Variants in ZFPM2 observed in about 807,000 individuals in gnomAD.
ZFPM2 encodes the protein zinc finger protein ZFPM2.
A neutral mutation model predicts 98.6 loss-of-function variants in ZFPM2; 20 were observed. The ratio of observed to expected loss-of-function variants is 0.20; its 90% CI spans 0.14 to 0.29. The LOEUF is 0.29. Among genes scored for constraint, ZFPM2 ranks in the 10% least tolerant of loss-of-function variants. The pLI, the probability that ZFPM2 is intolerant of heterozygous loss-of-function variation, is 1.00. For missense variants in ZFPM2, 1,310 were observed against 1,388.6 expected (o/e 0.94, Z 0.90); for synonymous variants, 518 against 502.7 (o/e 1.03, Z -0.41).
At position 105,618,080 on chromosome 8, in the gene ZFPM2, A is replaced by G. The variant is rs148590189; in HGVS notation, c.421-16166A>G. Among the ~76,000 whole-genome samples the G allele has an allele frequency of 3.8e-3, 573 of 152,280 alleles. 2 individuals are homozygous for G. The highest frequency in any genetic ancestry group is 6.4e-3 in the Non-Finnish European group (432 of 68,008). ...CACAGCTCGAAAAACCCTGAAGATT[A>G]TTAATGAGGCACCATGTAATTAGCC... On this transcript the variant is annotated intron_variant, in intron 4 of 7. Coordinates refer to ENST00000407775, the MANE Select transcript of ZFPM2 (RefSeq NM_012082.4).
intron 4 of ZFPM2, among the ~76,000 whole-genome samples, chr8:105,588,139 A>T (rs1234917097): frequency 6.6e-6 from 1 of 152,180 alleles, no homozygotes; most frequent in Non-Finnish European, 1.5e-5. Flanking sequence ...TTGAATTTGA[A>T]AAATAAACCT....
chr8:105,640,737 A>T (rs958537741), intron 5 of ZFPM2, among the ~76,000 whole-genome samples: 1 of 152,054 alleles, frequency 6.6e-6, no homozygotes, highest in African/African-American at 2.4e-5. Context: ...TGTTACTAGA[A>T]TTTTCAAACA....
At chr8:105,354,152 C>A (rs1812698229) in intron 1 of ZFPM2, among the ~76,000 whole-genome samples, 1 of 152,136 alleles carries the variant, frequency 6.6e-6, no homozygotes, top group Admixed American at 6.6e-5. Context: ...ATATGTTAAA[C>A]GGAAATCTAT....
At chr8:105,624,278 T>C (rs1301506565) in intron 4 of ZFPM2, among the ~76,000 whole-genome samples, 1 of 152,198 alleles carries the variant, frequency 6.6e-6, no homozygotes, top group Non-Finnish European at 1.5e-5. Context: ...TTTTTGCACA[T>C]TGCACTAGGT....
At chr8:105,571,145 C>G (rs1815346248) in intron 4 of ZFPM2, among the ~76,000 whole-genome samples, 1 of 152,184 alleles carries the variant, frequency 6.6e-6, no homozygotes, top group Non-Finnish European at 1.5e-5. Flanking sequence ...TGAAGAATCA[C>G]TATTGATTTA....
chr8:105,587,016 C>A (rs1393839404), intron 4 of ZFPM2, among the ~76,000 whole-genome samples: 1 of 151,500 alleles, frequency 6.6e-6, no homozygotes, highest in Non-Finnish European at 1.5e-5. Context: ...GTGGCTCATG[C>A]CTGTAATCCC....
At chr8:105,758,108 T>G (rs1812646897) in intron 5 of ZFPM2, among the ~76,000 whole-genome samples, 1 of 152,138 alleles carries the variant, frequency 6.6e-6, no homozygotes, top group African/African-American at 2.4e-5. Context: ...CAATTGCTTA[T>G]TAATAATATA....
intron 5 of ZFPM2, among the ~76,000 whole-genome samples, chr8:105,693,894 G>A (rs1810949972): frequency 6.7e-6 from 1 of 149,056 alleles, no homozygotes; most frequent in Non-Finnish European, 1.5e-5. Flanking sequence ...TATTATTTGT[G>A]TTGAGAACAT....
intron 3 of ZFPM2, among the ~76,000 whole-genome samples, chr8:105,454,083 G>A (rs1812539168): frequency 6.6e-6 from 1 of 151,800 alleles, no homozygotes; most frequent in Non-Finnish European, 1.5e-5. Flanking sequence ...CTCTAGGGTT[G>A]GTTTATTGGA....
At chr8:105,322,388 A>G (rs765491613) in intron 1 of ZFPM2, among the ~76,000 whole-genome samples, 2 of 149,070 alleles carry the variant, frequency 1.3e-5, no homozygotes, top group Non-Finnish European at 3.0e-5. Context: ...ACTGCCTTAT[A>G]TGTCCCCAAC....
At chr8:105,425,267 T>C (rs1489391931) in intron 2 of ZFPM2, among the ~76,000 whole-genome samples, 1 of 152,110 alleles carries the variant, frequency 6.6e-6, no homozygotes, top group Admixed American at 6.5e-5. Flanking sequence ...ACATAGTTTG[T>C]ATACGCCTGG....
chr8:105,447,049 G>A (rs575607316), intron 3 of ZFPM2, among the ~76,000 whole-genome samples: 12 of 151,990 alleles, frequency 7.9e-5, no homozygotes, highest in African/African-American at 2.4e-4. Flanking sequence ...AGAGAAAATT[G>A]TGCAACTTTT....
chr8:105,767,992 G>A (rs138651629), intron 5 of ZFPM2, among the ~76,000 whole-genome samples: 1 of 151,750 alleles, frequency 6.6e-6, no homozygotes, highest in African/African-American at 2.4e-5. Flanking sequence ...AATTTTGATT[G>A]ATCTTATAGC....
intron 4 of ZFPM2, among the ~76,000 whole-genome samples, chr8:105,562,597 A>G (rs1424107483): frequency 6.6e-6 from 1 of 151,994 alleles, no homozygotes; most frequent in Non-Finnish European, 1.5e-5. Context: ...TTCCTTTTCC[A>G]GTTTCTGAGG....
intron 5 of ZFPM2, among the ~76,000 whole-genome samples, chr8:105,753,173 T>G (rs947215315): frequency 6.6e-5 from 10 of 152,156 alleles, no homozygotes; most frequent in African/African-American, 1.9e-4. Flanking sequence ...ATTTCCACCA[T>G]GACAAGTGAC....
rs2131169959 is a variant in ZFPM2, at chr8:105,798,904, T to G, written c.920T>G (p.Phe307Cys). 1 of 1,613,950 alleles carries G rather than the reference T, an allele frequency of 6.2e-7. No homozygotes were observed. Among genetic ancestry groups the G allele is most frequent in the Admixed American group, 1.7e-5 (1 of 60,022 alleles). Residue 307 changes from phenylalanine (F) to cysteine (C), a missense_variant, in exon 7 of 8, where the codon TTT (phenylalanine) becomes TGT (cysteine). By Grantham distance (205) the Phe-to-Cys change is radical. Transcript: ENST00000407775. ...CCCTTCCCACAGTGCACCAAGAGCT[T>G]TTCAAATGCTCGAGCTCTAGAAATG... is the stretch of plus-strand genomic sequence containing the variant. ...LCPFPQCTKS[F>C]SNARALEMHL...
chr8:105,477,237 C>CTT (rs397891589), intron 3 of ZFPM2, among the ~76,000 whole-genome samples: 840 of 74,490 alleles, frequency 0.011, 4 homozygotes, highest in African/African-American at 0.015. Context: ...TGCTAGCAAT[C>CTT]TTTTTTTTTT....
chr8:105,502,705 A>G (rs1270065351), intron 3 of ZFPM2, among the ~76,000 whole-genome samples: 2 of 152,184 alleles, frequency 1.3e-5, no homozygotes, highest in African/African-American at 2.4e-5. Flanking sequence ...GGCCATGTAG[A>G]TAAGGGCAAA....
chr8:105,496,687 T>G (rs1813475081), intron 3 of ZFPM2, among the ~76,000 whole-genome samples: 2 of 146,918 alleles, frequency 1.4e-5, no homozygotes, highest in Admixed American at 6.7e-5. Context: ...TTTTTTTTTT[T>G]TGAGACGGAG....
Sources: allele counts gnomAD v4.1 joint callset (sites outside exome capture counted in the v4.1 genomes callset), GRCh38; gene constraint gnomAD v4.1.1; transcripts MANE v1.5; gene names NCBI Gene and HGNC (gene_info 2026-07-23, HGNC 2026-07-21).